DENND1A: variants seen among roughly 807,000 people sequenced by gnomAD.
DENND1A encodes DENN domain-containing protein 1A.
In DENND1A, 51 loss-of-function variants were observed where a neutral mutation model predicts 113.7. That is an observed-to-expected ratio of 0.45 (90% CI 0.36 to 0.57). The LOEUF (loss-of-function observed/expected upper bound fraction) is 0.57, where lower values mean the gene tolerates loss of function less well. DENND1A is among the 20% of genes least tolerant of loss of function. The pLI is 0.00. For missense variants in DENND1A, 1,258 were observed against 1,395.9 expected, an observed-to-expected ratio of 0.90 and a Z score of 1.57; for synonymous variants, 565 against 570.8, an observed-to-expected ratio of 0.99 and a Z score of 0.14.
chr9:123,492,706 C>T (rs1428762318), intron 13 of DENND1A: 1 of 152,164 alleles, frequency 6.6e-6, no homozygotes, highest in Admixed American at 6.5e-5. Flanking sequence ...CTCTGCATCC[C>T]AAAGACAGTG....
At chr9:123,660,336 AGG>A (rs1200219620) in intron 8 of DENND1A, among the ~76,000 whole-genome samples, 2 of 152,218 alleles carry the variant, frequency 1.3e-5, no homozygotes, top group African/African-American at 4.8e-5. Context: ...GGTCATGCAC[AGG>A]GAATTGGTTC....
chr9:123,741,094 A>G (rs1296332229), intron 5 of DENND1A, among the ~76,000 whole-genome samples: 1 of 152,190 alleles, frequency 6.6e-6, no homozygotes, highest in African/African-American at 2.4e-5. Flanking sequence ...AGGAAATTAT[A>G]TAATTTCTTC....
intron 1 of DENND1A, among the ~76,000 whole-genome samples, chr9:123,920,156 C>A (rs1196549510): frequency 6.6e-6 from 1 of 151,968 alleles, no homozygotes; most frequent in Admixed American, 6.5e-5. Flanking sequence ...TAAGGCCGGG[C>A]ATGGTGGCTC....
intron 1 of DENND1A, among the ~76,000 whole-genome samples, chr9:123,890,593 T>C (rs1424636737): frequency 6.6e-6 from 1 of 152,216 alleles, no homozygotes; most frequent in Non-Finnish European, 1.5e-5. Context: ...CACTTAAATA[T>C]GTGTCAGATA....
chr9:123,811,845 T>C (rs1390020160), intron 2 of DENND1A, among the ~76,000 whole-genome samples: 1 of 152,212 alleles, frequency 6.6e-6, no homozygotes, highest in Admixed American at 6.5e-5. Context: ...TTTAGAACTA[T>C]AAATGACATG....
At chr9:123,568,302 T>C (rs1403280356) in intron 12 of DENND1A, among the ~76,000 whole-genome samples, 1 of 152,184 alleles carries the variant, frequency 6.6e-6, no homozygotes, top group Admixed American at 6.5e-5. Flanking sequence ...CTTTTCTTCA[T>C]CTATAAAAAG....
intron 19 of DENND1A, chr9:123,413,385 G>C (rs962980419): frequency 2.0e-6 from 2 of 979,294 alleles, no homozygotes; most frequent in African/African-American, 3.5e-5. Flanking sequence ...TGTGACTCCC[G>C]TATGAAGCTC....
chr9:123,679,109 G>A (rs2064277564), intron 5 of DENND1A, among the ~76,000 whole-genome samples: 1 of 152,184 alleles, frequency 6.6e-6, no homozygotes, highest in African/African-American at 2.4e-5. Context: ...GAAAAGGCAA[G>A]AAGGGGAAGT....
chr9:123,535,577 T>C (rs953673012), intron 13 of DENND1A, among the ~76,000 whole-genome samples: 29 of 152,332 alleles, frequency 1.9e-4, no homozygotes, highest in African/African-American at 6.3e-4. Context: ...TGCTGCCTTG[T>C]TTTCCATCTC....
chr9:123,832,982 C>T (rs939485185), intron 2 of DENND1A, among the ~76,000 whole-genome samples: 1 of 151,726 alleles, frequency 6.6e-6, no homozygotes, highest in Non-Finnish European at 1.5e-5. Flanking sequence ...GTTGGGGGTC[C>T]GGGGGAGCGG....
At chr9:123,528,539 T>C (rs535774694) in intron 13 of DENND1A, among the ~76,000 whole-genome samples, 1 of 152,300 alleles carries the variant, frequency 6.6e-6, no homozygotes, top group South Asian at 2.1e-4. Context: ...ACTGATTCTC[T>C]TCAATCTCCC....
chr9:123,397,015 G>C (rs1026333365), intron 21 of DENND1A, among the ~76,000 whole-genome samples: 2 of 152,214 alleles, frequency 1.3e-5, no homozygotes, highest in Non-Finnish European at 2.9e-5. Flanking sequence ...CAAGGGCAGT[G>C]ACAATCTCTT....
chr9:123,845,534 G>T (rs1384775423), intron 2 of DENND1A, among the ~76,000 whole-genome samples: 1 of 151,428 alleles, frequency 6.6e-6, no homozygotes, highest in Non-Finnish European at 1.5e-5. Context: ...AGTGGGTGTG[G>T]TGGCATACAC....
intron 1 of DENND1A, among the ~76,000 whole-genome samples, chr9:123,928,022 A>C (rs1240717335): frequency 1.3e-5 from 2 of 152,200 alleles, no homozygotes; most frequent in East Asian, 3.8e-4. Flanking sequence ...AAGCTAACAT[A>C]TTTCCCAAGC....
intron 13 of DENND1A, among the ~76,000 whole-genome samples, chr9:123,467,099 A>G (rs775363487): frequency 2.1e-4 from 32 of 152,102 alleles, no homozygotes; most frequent in Non-Finnish European, 4.1e-4. Flanking sequence ...CAAAACAAAA[A>G]AACATTATTG....
intron 5 of DENND1A, among the ~76,000 whole-genome samples, chr9:123,728,726 C>A (rs1008143026): frequency 2.0e-5 from 3 of 152,132 alleles, no homozygotes; most frequent in East Asian, 1.9e-4. Context: ...TACTATGATG[C>A]CACGATTAAG....
intron 13 of DENND1A, among the ~76,000 whole-genome samples, chr9:123,538,147 G>T (rs2055934870): frequency 6.6e-6 from 1 of 152,170 alleles, no homozygotes; most frequent in African/African-American, 2.4e-5. Context: ...TATTTTTGGA[G>T]ATTATGAAAC....
At chr9:123,707,491 G>A (rs1045630511) in intron 5 of DENND1A, among the ~76,000 whole-genome samples, 2 of 152,088 alleles carry the variant, frequency 1.3e-5, no homozygotes, top group African/African-American at 4.8e-5. Context: ...TGGCAAAGGA[G>A]ACAGAAAGAA....
chr9:123,793,592 G>T (rs1378940717), intron 2 of DENND1A, among the ~76,000 whole-genome samples: 2 of 152,060 alleles, frequency 1.3e-5, no homozygotes, highest in Non-Finnish European at 2.9e-5. Flanking sequence ...TCTAACAGTG[G>T]TCACAATATA....
Sources: allele counts gnomAD v4.1 joint callset (sites outside exome capture counted in the v4.1 genomes callset), GRCh38; gene constraint gnomAD v4.1.1; transcripts MANE v1.5; gene names NCBI Gene and HGNC (gene_info 2026-07-23, HGNC 2026-07-21).